The following GALNT13 variants were observed in gnomAD, a reference collection of about 807,000 sequenced individuals.
GALNT13 encodes the protein polypeptide N-acetylgalactosaminyltransferase 13.
In GALNT13, 28 loss-of-function variants were observed where a neutral mutation model predicts 64.2. The ratio of observed to expected loss-of-function variants is 0.44; its 90% confidence interval spans 0.32 to 0.60. The LOEUF is 0.60. Ranked by LOEUF, GALNT13 falls within the 20% of genes least tolerant of loss-of-function variation. The pLI, the probability that GALNT13 is intolerant of heterozygous loss-of-function variation, is 0.05. For synonymous variants in GALNT13, 214 were observed against 224.6 expected (o/e 0.95, Z 0.42); for missense variants, 577 against 669.8 (o/e 0.86, Z 1.53).
At chr2:154,269,239 A>T (rs1691189216) in intron 8 of GALNT13, among the ~76,000 whole-genome samples, 1 of 152,134 alleles carries the variant, frequency 6.6e-6, no homozygotes, top group African/African-American at 2.4e-5. Flanking sequence ...AAGAAAGTAA[A>T]GAATTTTCTA....
the GALNT13 span, among the ~76,000 whole-genome samples, chr2:153,847,785 T>C: frequency 6.6e-6 from 1 of 152,208 alleles, no homozygotes; most frequent in African/African-American, 2.4e-5. Flanking sequence ...AAGTGCTCCT[T>C]AATTCAACAA....
At chr2:153,628,312 C>T in the GALNT13 span, among the ~76,000 whole-genome samples, 1 of 152,068 alleles carries the variant, frequency 6.6e-6, no homozygotes, top group South Asian at 2.1e-4. Flanking sequence ...TTGACTTCCT[C>T]TTTTCCTAAT....
the GALNT13 span, among the ~76,000 whole-genome samples, chr2:153,228,858 C>T: frequency 2.8e-5 from 3 of 106,754 alleles, no homozygotes; most frequent in African/African-American, 4.0e-5. Flanking sequence ...GGTGACAGAG[C>T]GAGACTGTCT....
At chr2:153,453,311 C>CT in the GALNT13 span, among the ~76,000 whole-genome samples, 1 of 152,142 alleles carries the variant, frequency 6.6e-6, no homozygotes, top group Non-Finnish European at 1.5e-5. Context: ...CCGAAAGAAA[C>CT]TATCAACAGA....
intron 3 of GALNT13, among the ~76,000 whole-genome samples, chr2:154,113,697 T>G (rs572812869): frequency 2.6e-5 from 4 of 152,204 alleles, no homozygotes; most frequent in Non-Finnish European, 5.9e-5. Context: ...ATCAGCATAA[T>G]GTCATCAATG....
intron 1 of GALNT13, among the ~76,000 whole-genome samples, chr2:153,895,945 A>G (rs553663419): frequency 5.6e-4 from 84 of 151,166 alleles, no homozygotes; most frequent in Admixed American, 7.3e-4. Flanking sequence ...ATAAAAAAAG[A>G]TATTGTCACA....
At chr2:154,059,874 C>T (rs572303249) in intron 3 of GALNT13, among the ~76,000 whole-genome samples, 4 of 152,158 alleles carry the variant, frequency 2.6e-5, no homozygotes, top group Admixed American at 6.5e-5. Context: ...GGTGTGGGCA[C>T]GGTTAAGAGA....
At chr2:153,803,988 C>T in the GALNT13 span, among the ~76,000 whole-genome samples, 1 of 152,166 alleles carries the variant, frequency 6.6e-6, no homozygotes, top group African/African-American at 2.4e-5. Flanking sequence ...ATCCCTCGAA[C>T]ATTTAACCTG....
At chr2:153,693,264 CT>C in the GALNT13 span, among the ~76,000 whole-genome samples, 1 of 152,150 alleles carries the variant, frequency 6.6e-6, no homozygotes, top group East Asian at 1.9e-4. Flanking sequence ...ACAATACAGA[CT>C]TTTGAATTTT....
At chr2:154,147,941 A>G (rs1160679165) in intron 4 of GALNT13, among the ~76,000 whole-genome samples, 1 of 147,542 alleles carries the variant, frequency 6.8e-6, no homozygotes, top group Non-Finnish European at 1.5e-5. Context: ...ATTATACTTT[A>G]AGTTTTAGGG....
the GALNT13 span, among the ~76,000 whole-genome samples, chr2:153,625,646 C>G: frequency 6.6e-6 from 1 of 152,058 alleles, no homozygotes; most frequent in African/African-American, 2.4e-5. Flanking sequence ...CCAAGAAGTT[C>G]TTTCTTTTCT....
chr2:153,112,899 G>T, the GALNT13 span, among the ~76,000 whole-genome samples: 1 of 152,034 alleles, frequency 6.6e-6, no homozygotes, highest in Non-Finnish European at 1.5e-5. Flanking sequence ...AGAACAAGTT[G>T]TCAAAATCTA....
At position 153,943,500 on chromosome 2, in the gene GALNT13, T is replaced by TGTA. The variant is rs1491192165; in HGVS notation, c.-104-894_-104-893insGTA. Among the ~76,000 whole-genome samples, 106 of 12,816 alleles carry TGTA rather than the reference T, an allele frequency of 8.3e-3. 1 individual carries two copies. The highest frequency in any genetic ancestry group is 0.019 in the Non-Finnish European group (87 of 4,582). 8.4% of individuals were successfully genotyped at this position (12,816 alleles called of 152,430 possible). On this transcript the variant is annotated intron_variant, in intron 2 of 12. Coordinates refer to ENST00000392825, the MANE Select transcript of GALNT13 (RefSeq NM_052917.4). ...TATTTTATTTTTACGTATGTATGTA[T>TGTA]TTTTTTTTTTTGAGACAGAGTTTTG...
chr2:154,352,627 A>G (rs893890639), intron 9 of GALNT13, among the ~76,000 whole-genome samples: 7 of 152,206 alleles, frequency 4.6e-5, no homozygotes, highest in African/African-American at 1.7e-4. Context: ...ATTGAATGCA[A>G]GTTAGTCAGG....
At chr2:153,397,849 C>T in the GALNT13 span, among the ~76,000 whole-genome samples, 2 of 152,062 alleles carry the variant, frequency 1.3e-5, no homozygotes, top group African/African-American at 4.8e-5. Context: ...TTTGATTCAT[C>T]TATAGGTTTT....
At chr2:153,303,209 AT>A in the GALNT13 span, among the ~76,000 whole-genome samples, 311 of 150,992 alleles carry the variant, frequency 2.1e-3, 5 homozygotes, top group East Asian at 0.036. Flanking sequence ...ATTTTCTTCC[AT>A]TTTTTTTTAT....
chr2:153,803,306 T>C, the GALNT13 span, among the ~76,000 whole-genome samples: 1 of 152,160 alleles, frequency 6.6e-6, no homozygotes, highest in Admixed American at 6.6e-5. Flanking sequence ...CCCAATATAA[T>C]TACATTTGAA....
chr2:153,594,208 G>T, the GALNT13 span, among the ~76,000 whole-genome samples: 5 of 152,062 alleles, frequency 3.3e-5, no homozygotes, highest in African/African-American at 1.2e-4. Context: ...ATACACAGCT[G>T]CTGGATATTA....
At chr2:154,087,742 C>T (rs963924333) in intron 3 of GALNT13, among the ~76,000 whole-genome samples, 8 of 152,134 alleles carry the variant, frequency 5.3e-5, no homozygotes, top group South Asian at 4.1e-4. Flanking sequence ...TCCTGACACA[C>T]GGGAGATGTT....
Sources: gnomAD v4.1 joint callset for allele counts (sites outside exome capture counted in the v4.1 genomes callset) on GRCh38, gnomAD v4.1.1 for gene constraint, MANE v1.5 for transcripts, NCBI Gene and HGNC (gene_info 2026-07-23, HGNC 2026-07-21) for gene names.